MAGI2: variants seen among roughly 807,000 people sequenced by gnomAD.
The protein encoded by MAGI2 is membrane-associated guanylate kinase, WW and PDZ domain-containing protein 2.
MAGI2 carries 35 observed loss-of-function variants against 133.3 expected under a neutral mutation model. That is an observed-to-expected ratio of 0.26 (90% confidence interval 0.20 to 0.35). The LOEUF (loss-of-function observed/expected upper bound fraction) is 0.35. Among genes scored for constraint, MAGI2 ranks in the 10% least tolerant of loss-of-function variants. The pLI is 1.00. For missense variants in MAGI2, 1,636 were observed against 1,863.4 expected, an observed-to-expected ratio of 0.88 and a Z score of 2.25; for synonymous variants, 729 against 710.6, an observed-to-expected ratio of 1.03 and a Z score of -0.41.
chr7:78,602,570 C>T (rs538879853), intron 3 of MAGI2, among the ~76,000 whole-genome samples: 4 of 151,964 alleles, frequency 2.6e-5, no homozygotes, highest in Admixed American at 6.5e-5. Context: ...GGTAGAAATG[C>T]TATGTTCTTT....
chr7:79,438,239 C>T (rs1039143456), intron 1 of MAGI2, among the ~76,000 whole-genome samples: 13 of 152,174 alleles, frequency 8.5e-5, no homozygotes, highest in Admixed American at 6.5e-5. Flanking sequence ...TTATACGAGC[C>T]GGCGCTCATT....
At chr7:78,433,822 C>G (rs1162007522) in intron 6 of MAGI2, among the ~76,000 whole-genome samples, 1 of 152,072 alleles carries the variant, frequency 6.6e-6, no homozygotes, top group Non-Finnish European at 1.5e-5. Flanking sequence ...GATTTAGAGT[C>G]TATGCACATA....
intron 16 of MAGI2, among the ~76,000 whole-genome samples, chr7:78,136,342 G>A (rs1376810271): frequency 1.3e-5 from 2 of 152,000 alleles, no homozygotes; most frequent in Non-Finnish European, 2.9e-5. Flanking sequence ...GGATGGTCTC[G>A]ATCTCCTGAC....
At chr7:79,323,265 A>G (rs1054861095) in intron 1 of MAGI2, among the ~76,000 whole-genome samples, 3 of 152,204 alleles carry the variant, frequency 2.0e-5, no homozygotes, top group Non-Finnish European at 4.4e-5. Context: ...ATGAACTTAC[A>G]GTCAAATGGA....
intron 2 of MAGI2, among the ~76,000 whole-genome samples, chr7:78,919,080 T>C (rs1275641288): frequency 6.6e-6 from 1 of 152,142 alleles, no homozygotes; most frequent in Non-Finnish European, 1.5e-5. Flanking sequence ...ATAATTTTAC[T>C]GTGGAAACCA....
At chr7:78,470,562 G>A (rs1026930456) in intron 6 of MAGI2, among the ~76,000 whole-genome samples, 1 of 151,974 alleles carries the variant, frequency 6.6e-6, no homozygotes, top group Admixed American at 6.6e-5. Flanking sequence ...ATTTCCTTCT[G>A]ATGTAACATA....
intron 2 of MAGI2, among the ~76,000 whole-genome samples, chr7:78,906,552 A>G (rs1044907413): frequency 1.3e-5 from 2 of 152,210 alleles, no homozygotes; most frequent in Non-Finnish European, 2.9e-5. Flanking sequence ...ATGGTTTATA[A>G]TATTTTATCC....
intron 2 of MAGI2, among the ~76,000 whole-genome samples, chr7:78,868,302 A>C (rs1395054702): frequency 1.3e-5 from 2 of 152,198 alleles, no homozygotes; most frequent in Non-Finnish European, 2.9e-5. Context: ...AGCTCAAAAC[A>C]ATTCTATTTG....
intron 1 of MAGI2, among the ~76,000 whole-genome samples, chr7:79,182,287 T>C (rs191759246): frequency 2.0e-5 from 3 of 152,102 alleles, no homozygotes; most frequent in South Asian, 2.1e-4. Context: ...TTCCACATAA[T>C]TGGGGAGGCC....
chr7:78,431,517 T>C (rs564939966), intron 6 of MAGI2, among the ~76,000 whole-genome samples: 7 of 152,256 alleles, frequency 4.6e-5, no homozygotes, highest in South Asian at 4.1e-4. Flanking sequence ...GTTTTACATG[T>C]AGGTATTTAA....
intron 2 of MAGI2, among the ~76,000 whole-genome samples, chr7:78,878,949 C>G (rs1327541258): frequency 1.3e-5 from 2 of 152,136 alleles, no homozygotes; most frequent in East Asian, 1.9e-4. Context: ...GGATCAGCAG[C>G]CTGATTCACC....
At chr7:78,022,758 C>CA (rs1218750970) in intron 21 of MAGI2, among the ~76,000 whole-genome samples, 1 of 152,158 alleles carries the variant, frequency 6.6e-6, no homozygotes, top group African/African-American at 2.4e-5. Context: ...TAGTTGGCTT[C>CA]AAATTACTTC....
intron 3 of MAGI2, among the ~76,000 whole-genome samples, chr7:78,573,064 T>TATATAC (rs1554481239): frequency 1.7e-4 from 16 of 96,558 alleles, no homozygotes; most frequent in Non-Finnish European, 3.1e-4. Flanking sequence ...TATATATATA[T>TATATAC]ATATATATAT....
chr7:79,041,494 AT>A (rs1026820276), intron 1 of MAGI2, among the ~76,000 whole-genome samples: 1 of 152,160 alleles, frequency 6.6e-6, no homozygotes, highest in African/African-American at 2.4e-5. Context: ...GATAGTAAAA[AT>A]GTACTTATGC....
intron 9 of MAGI2, among the ~76,000 whole-genome samples, chr7:78,292,173 C>T (rs1449204110): frequency 8.6e-5 from 13 of 151,810 alleles, no homozygotes; most frequent in Admixed American, 6.6e-4. Flanking sequence ...TGATTGTATA[C>T]TTAGAAAACC....
intron 2 of MAGI2, among the ~76,000 whole-genome samples, chr7:78,826,600 T>C (rs949361383): frequency 6.6e-6 from 1 of 152,138 alleles, no homozygotes; most frequent in Non-Finnish European, 1.5e-5. Flanking sequence ...ACAATATGCA[T>C]TTGTCAAATA....
intron 2 of MAGI2, among the ~76,000 whole-genome samples, chr7:78,673,413 C>T (rs1387806635): frequency 6.6e-6 from 1 of 151,740 alleles, no homozygotes; most frequent in Non-Finnish European, 1.5e-5. Context: ...AGCTTGAGAC[C>T]CAGGACAGCC....
At chr7:78,474,630 A>G (rs972534064) in intron 6 of MAGI2, among the ~76,000 whole-genome samples, 1 of 151,966 alleles carries the variant, frequency 6.6e-6, no homozygotes, top group African/African-American at 2.4e-5. Context: ...TGTACAAAAT[A>G]AAGTTTCCAG....
At chr7:78,422,136 G>A (rs1462094015) in intron 6 of MAGI2, among the ~76,000 whole-genome samples, 1 of 152,156 alleles carries the variant, frequency 6.6e-6, no homozygotes, top group African/African-American at 2.4e-5. Context: ...TGCCATTAGG[G>A]AGAATGCCTT....
Sources: allele counts gnomAD v4.1 joint callset (sites outside exome capture counted in the v4.1 genomes callset), GRCh38; gene constraint gnomAD v4.1.1; transcripts MANE v1.5; gene names NCBI Gene and HGNC (gene_info 2026-07-23, HGNC 2026-07-21).